The following FUT8 variants were observed in gnomAD, a reference collection of about 807,000 sequenced individuals.
FUT8 encodes the protein alpha-(1,6)-fucosyltransferase.
FUT8 carries 29 observed loss-of-function variants against 71.3 expected under a neutral mutation model. The ratio of observed to expected loss-of-function variants is 0.41; its 90% CI spans 0.30 to 0.55. The LOEUF is 0.55. Among genes scored for constraint, FUT8 ranks in the 20% least tolerant of loss-of-function variants. The probability of loss-of-function intolerance (pLI) is 0.34; values close to 1 mark genes in which losing one functional copy is unlikely to be tolerated. For synonymous variants in FUT8, 254 were observed against 239.3 expected (o/e 1.06, Z -0.57); for missense variants, 544 against 702.1 (o/e 0.77, Z 2.55).
chr14:65,653,756 T>G (rs532029296), intron 6 of FUT8, among the ~76,000 whole-genome samples: 2 of 152,318 alleles, frequency 1.3e-5, no homozygotes, highest in East Asian at 3.9e-4. Context: ...CATTCTGGTC[T>G]CAAACTCCTG....
intron 6 of FUT8, among the ~76,000 whole-genome samples, chr14:65,634,103 C>T (rs1371715624): frequency 2.0e-5 from 3 of 151,800 alleles, no homozygotes; most frequent in African/African-American, 7.3e-5. Context: ...ATGACAATGG[C>T]GGTTTTGTGG....
the FUT8 span, among the ~76,000 whole-genome samples, chr14:65,389,766 T>A: frequency 3.3e-5 from 5 of 151,972 alleles, no homozygotes; most frequent in Non-Finnish European, 7.4e-5. Flanking sequence ...TGGCATACTG[T>A]ATACAGTTTT....
chr14:65,528,434 C>T (rs1338878190), intron 2 of FUT8, among the ~76,000 whole-genome samples: 1 of 152,172 alleles, frequency 6.6e-6, no homozygotes, highest in Non-Finnish European at 1.5e-5. Context: ...CCCGATTTTC[C>T]AGTGTCATCT....
At chr14:65,593,197 A>G (rs887934283) in intron 3 of FUT8, among the ~76,000 whole-genome samples, 25 of 152,234 alleles carry the variant, frequency 1.6e-4, no homozygotes, top group African/African-American at 6.0e-4. Flanking sequence ...ACTGTAAAAC[A>G]TAATCACTTG....
chr14:65,583,105 G>T (rs1887178196), intron 3 of FUT8, among the ~76,000 whole-genome samples: 1 of 152,034 alleles, frequency 6.6e-6, no homozygotes, highest in Non-Finnish European at 1.5e-5. Flanking sequence ...TTTAGAAAAA[G>T]ATTTTATTGA....
chr14:65,364,485 G>A, the FUT8 span, among the ~76,000 whole-genome samples: 1 of 152,170 alleles, frequency 6.6e-6, no homozygotes, highest in Non-Finnish European at 1.5e-5. Flanking sequence ...TTACAGGTGT[G>A]AGCCACCGTG....
chr14:65,651,122 C>A (rs1174927754), intron 6 of FUT8, among the ~76,000 whole-genome samples: 1 of 152,162 alleles, frequency 6.6e-6, no homozygotes, highest in African/African-American at 2.4e-5. Flanking sequence ...GCCCTGACCG[C>A]CGTTTCCATC....
intron 1 of FUT8, among the ~76,000 whole-genome samples, chr14:65,429,147 G>A (rs760770697): frequency 6.6e-6 from 1 of 152,154 alleles, no homozygotes; most frequent in Non-Finnish European, 1.5e-5. Flanking sequence ...TTTCAGTATA[G>A]TATAAAAAAA....
intron 2 of FUT8, among the ~76,000 whole-genome samples, chr14:65,496,590 G>A (rs1015549846): frequency 7.2e-5 from 11 of 152,006 alleles, no homozygotes; most frequent in East Asian, 1.9e-4. Flanking sequence ...TCACCCACTC[G>A]CTCTCTCTTG....
the FUT8 span, among the ~76,000 whole-genome samples, chr14:65,376,141 T>C: frequency 6.6e-6 from 1 of 151,896 alleles, no homozygotes; most frequent in Non-Finnish European, 1.5e-5. Context: ...AGGTGTGTAT[T>C]CTGGAAAGCA....
intron 3 of FUT8, among the ~76,000 whole-genome samples, chr14:65,594,665 T>C (rs905423333): frequency 6.6e-6 from 1 of 152,082 alleles, no homozygotes; most frequent in Non-Finnish European, 1.5e-5. Flanking sequence ...GAGAATTTTA[T>C]TGAGTCGTGA....
chr14:65,496,730 T>G (rs1229964157), intron 2 of FUT8, among the ~76,000 whole-genome samples: 1 of 152,172 alleles, frequency 6.6e-6, no homozygotes, highest in African/African-American at 2.4e-5. Context: ...TTTTGGGCAG[T>G]TCTTCATAGC....
At chr14:65,431,249 T>C (rs4456409) in intron 1 of FUT8, among the ~76,000 whole-genome samples, 49,093 of 143,484 alleles carry the variant, frequency 0.34, 10,686 homozygotes, top group Non-Finnish European at 0.48. Flanking sequence ...TGATCCACCC[T>C]CCTCGGCCTC....
At chr14:65,673,058 T>G (rs994217908) in intron 7 of FUT8, among the ~76,000 whole-genome samples, 8 of 152,228 alleles carry the variant, frequency 5.3e-5, no homozygotes, top group African/African-American at 1.9e-4. Context: ...TAAATGTAAT[T>G]GGAAAATTTT....
intron 2 of FUT8, among the ~76,000 whole-genome samples, chr14:65,464,929 C>T (rs1260793439): frequency 2.0e-5 from 3 of 152,140 alleles, no homozygotes; most frequent in Non-Finnish European, 4.4e-5. Flanking sequence ...TGATAGAATT[C>T]ACGAATGAAT....
chr14:65,616,550 A>C (rs1270772977), intron 5 of FUT8, among the ~76,000 whole-genome samples, 177 bp downstream of exon 5: 1 of 152,208 alleles, frequency 6.6e-6, no homozygotes, highest in African/African-American at 2.4e-5. Context: ...CAGTTCATCA[A>C]CCAAAATATA....
At chr14:65,414,377 T>G (rs2065188880) in intron 1 of FUT8, among the ~76,000 whole-genome samples, 2 of 152,180 alleles carry the variant, frequency 1.3e-5, no homozygotes, top group South Asian at 4.1e-4. Context: ...GTGCATCATA[T>G]AGAAAGTATT....
intron 3 of FUT8, among the ~76,000 whole-genome samples, chr14:65,611,276 CACACACACACACACACACACACA>C (rs1566851439): frequency 2.9e-4 from 15 of 51,772 alleles, no homozygotes; most frequent in African/African-American, 8.8e-4. Context: ...CACACACACA[CACACACACACACACACACACACA>C]CACCCCCCAA....
chr14:65,641,548 G>A lies in FUT8; in HGVS notation c.597+11942G>A, dbSNP rs146758431. Reference sequence around the variant, plus strand: ...TACCTAGGAGTGGAATGGCTGGGTCGTATAACAGTGTAGGTTTAACTTTTT... The same window carrying A: ...TACCTAGGAGTGGAATGGCTGGGTCATATAACAGTGTAGGTTTAACTTTTT... On this transcript the variant is annotated intron_variant, in intron 6 of 10. Coordinates refer to ENST00000673929, the MANE Select transcript of FUT8 (RefSeq NM_001371533.1). Among the ~76,000 whole-genome samples, 439 of 152,218 alleles carry A rather than the reference G, an allele frequency of 2.9e-3. No homozygotes were observed. In the Middle Eastern group the frequency reaches 0.034, roughly 12 times the overall value.
Sources: allele counts gnomAD v4.1 joint callset (sites outside exome capture counted in the v4.1 genomes callset), GRCh38; gene constraint gnomAD v4.1.1; transcripts MANE v1.5; gene names NCBI Gene and HGNC (gene_info 2026-07-23, HGNC 2026-07-21).